CCDC40: variants seen among roughly 807,000 people sequenced by gnomAD.
CCDC40 encodes coiled-coil domain 40 molecular ruler complex subunit.
Under a neutral mutation model 124.5 loss-of-function variants are expected in CCDC40, and 104 were observed. The ratio of observed to expected loss-of-function variants is 0.84; its 90% CI spans 0.71 to 0.98. The LOEUF is 0.98. Ranked by LOEUF, CCDC40 falls within the 50% of genes least tolerant of loss-of-function variation. The probability of loss-of-function intolerance (pLI) is 0.00; values close to 1 mark genes in which losing one functional copy is unlikely to be tolerated. For synonymous variants in CCDC40, 580 were observed against 602.9 expected (o/e 0.96, Z 0.56); for missense variants, 1,463 against 1,503.9 (o/e 0.97, Z 0.45).
intron 13 of CCDC40, among the ~76,000 whole-genome samples, chr17:80,085,436 C>A (rs73436175): frequency 0.015 from 2,235 of 152,284 alleles, 60 homozygotes; most frequent in African/African-American, 0.051. Flanking sequence ...CTCTCAAAGC[C>A]CCTTTGGGTT....
intron 10 of CCDC40, among the ~76,000 whole-genome samples, chr17:80,073,538 C>T (rs1202568553): frequency 6.6e-6 from 1 of 152,216 alleles, no homozygotes; most frequent in East Asian, 1.9e-4. Context: ...TGAATCAAGA[C>T]ATGTCGTGTG....
At position 80,097,250 on chromosome 17, in the gene CCDC40, C is replaced by G. The variant is rs79588289; in HGVS notation, c.3027C>G (p.Thr1009=). Residue 1009 remains threonine, a synonymous_variant, in exon 19 of 20, where the codon ACC becomes ACG. Transcript: ENST00000397545. ...TGGTCCTGTGATTCTCCTAGGCCAC[C>G]GATGAGTGCACCAAAACCGTCCTGG... ...RRKIRDVRKA[T]DECTKTVLEL... is the part of the protein sequence containing the mutation. 1 of 1,613,774 alleles carries G rather than the reference C, an allele frequency of 6.2e-7. No individual in the cohort carries two copies. Among genetic ancestry groups the G allele is most frequent in the Non-Finnish European group, 8.5e-7 (1 of 1,179,994 alleles).
chr17:80,099,407 T>G, intron 19 of CCDC40, 120 bp from the exon 20 acceptor site: 1 of 1,213,258 alleles, frequency 8.2e-7, no homozygotes, highest in Admixed American at 1.7e-5. Context: ...ACGCCGTCCC[T>G]TTTCAGGCGT....
intron 16 of CCDC40, among the ~76,000 whole-genome samples, chr17:80,089,046 G>A (rs2038646863): frequency 6.6e-6 from 1 of 152,230 alleles, no homozygotes; most frequent in Non-Finnish European, 1.5e-5. Flanking sequence ...TGCGTGCAAA[G>A]TACCCAGGGA....
At chr17:80,073,543 C>T (rs920758303) in intron 10 of CCDC40, among the ~76,000 whole-genome samples, 4 of 152,164 alleles carry the variant, frequency 2.6e-5, no homozygotes, top group East Asian at 1.9e-4. Flanking sequence ...CAAGACATGT[C>T]GTGTGTGTAC....
chr17:80,056,002 A>ATT (rs1397122647), intron 7 of CCDC40, among the ~76,000 whole-genome samples: 29 of 7,836 alleles, frequency 3.7e-3, no homozygotes, highest in African/African-American at 8.0e-3. Context: ...ATATATATAT[A>ATT]TATATATATA....
chr17:80,065,940 C>A, intron 10 of CCDC40: 1 of 612,330 alleles, frequency 1.6e-6, no homozygotes, highest in Non-Finnish European at 2.9e-6. Flanking sequence ...CACCTGAGTG[C>A]GGAAACCCCA....
intron 18 of CCDC40, among the ~76,000 whole-genome samples, chr17:80,096,642 G>A (rs1357980329): frequency 6.8e-6 from 1 of 146,792 alleles, no homozygotes; most frequent in Non-Finnish European, 1.5e-5. Context: ...CGCCCCACAC[G>A]ACGCCATCAC....
intron 5 of CCDC40, 24 bp downstream of exon 5, chr17:80,048,785 G>T: frequency 6.3e-7 from 1 of 1,586,342 alleles, no homozygotes; most frequent in Non-Finnish European, 8.6e-7. Context: ...CCCAGGTTTT[G>T]CTTTTGCCTA....
At chr17:80,050,532 C>A (rs2037558759) in intron 7 of CCDC40, among the ~76,000 whole-genome samples, 1 of 152,246 alleles carries the variant, frequency 6.6e-6, no homozygotes, top group Non-Finnish European at 1.5e-5. Flanking sequence ...CAACCTCCCC[C>A]TTCCGGGATC....
chr17:80,051,401 G>C (rs1343304060), intron 7 of CCDC40: 2 of 358,696 alleles, frequency 5.6e-6, no homozygotes, highest in Non-Finnish European at 3.9e-6. Context: ...AGGCCGAGGC[G>C]GGCGGATCAC....
chr17:80,081,917 A>G lies in CCDC40; in HGVS notation c.1848A>G (p.Gln616=). The G allele has an allele frequency of 1.2e-6, 2 of 1,614,132 alleles. No individual in the cohort carries two copies. The highest frequency in any genetic ancestry group is 8.5e-7 in the Non-Finnish European group (1 of 1,180,020). The part of the protein sequence containing the change: ...ILTEELQAIR[Q]AIQGELELRR... ...CGGAGGAGTTGCAGGCCATCCGCCA[A>G]GCCATCCAGGGCGAGCTGGAGCTCA... Residue 616 remains glutamine (Q), a synonymous_variant, in exon 12 of 20, where the codon CAA becomes CAG. Transcript: ENST00000397545.
At chr17:80,090,961 C>A in intron 17 of CCDC40, 1 of 372,932 alleles carries the variant, frequency 2.7e-6, no homozygotes, top group Non-Finnish European at 4.0e-6. Context: ...AGCTCTCCTC[C>A]ACAGAGTGGG....
At chr17:80,065,634 T>C (rs2038025789) in intron 10 of CCDC40, 28 bp downstream of exon 10, 1 of 1,610,824 alleles carries the variant, frequency 6.2e-7, no homozygotes, top group African/African-American at 1.3e-5. Context: ...GCAGCGAGGA[T>C]GTGCGGGAAC....
intron 17 of CCDC40, 128 bp from the exon 18 acceptor site, chr17:80,095,135 C>A (rs948259216): frequency 7.1e-6 from 6 of 848,290 alleles, no homozygotes; most frequent in Non-Finnish European, 1.2e-5. Flanking sequence ...GCGGCACAGG[C>A]CTCACTGTTT....
chr17:80,086,542 G>C lies in CCDC40; in HGVS notation c.2449+326G>C. On this transcript the variant is annotated intron_variant, in intron 14 of 19. Coordinates refer to ENST00000397545, the MANE Select transcript of CCDC40 (RefSeq NM_017950.4). This position sits in a 1 kb window ranked among gnomAD's most constrained non-coding sequence, Gnocchi z 5.5. ...CACTCAGGTGGAAACACTGGCACGGGAAAAGCCAGGGTCCTGCCAGGCAGG... is the reference window on the plus strand; with the variant it reads ...CACTCAGGTGGAAACACTGGCACGGCAAAAGCCAGGGTCCTGCCAGGCAGG... The C allele has an allele frequency of 2.9e-6, 1 of 350,716 alleles. No homozygotes were observed. Among genetic ancestry groups the C allele is most frequent in the South Asian group, 2.3e-5 (1 of 42,596 alleles). The allele number at this position is 350,716 out of a possible 1,614,324, so 21.7% of individuals were successfully genotyped here. A position where few individuals can be genotyped will look rare whatever the true frequency, so the allele number is the denominator to read the frequency against.
chr17:80,044,434 A>G lies in CCDC40; in HGVS notation c.553-2845A>G, dbSNP rs371571815. On this transcript the variant is annotated intron_variant, in intron 3 of 19. Transcript: ENST00000397545. Reference sequence around the variant, plus strand: ...CCTAGTGGCTCATGGCTGTGATCCCAGCACTTTGGGAGGCCGATGCAGGCG... The same window carrying G: ...CCTAGTGGCTCATGGCTGTGATCCCGGCACTTTGGGAGGCCGATGCAGGCG... Among the ~76,000 whole-genome samples, 43 of 152,318 alleles carry G rather than the reference A, an allele frequency of 2.8e-4. No individual in the cohort carries two copies. The South Asian group carries it at 8.5e-3, about 30-fold the overall frequency.
chr17:80,050,266 A>C lies in CCDC40; in HGVS notation c.1142A>C (p.Asn381Thr), dbSNP rs1290134661. The change falls in exon 7 of 20, where the codon AAC becomes ACC. Residue 381 changes from asparagine (N) to threonine (T), a missense_variant. Physicochemically the swap from Asn to Thr is moderately conservative, Grantham distance 65. Coordinates refer to ENST00000397545, the MANE Select transcript of CCDC40 (RefSeq NM_017950.4). ...ALYTKTCAAA[N>T]EERKKLAALQ... The stretch of plus-strand genomic sequence containing the variant: ...TACACCAAGACCTGCGCAGCCGCCA[A>C]CGAGGAGCGCAAAAAGTGTAAGGCA... 1 of 1,567,978 alleles carries C rather than the reference A, an allele frequency of 6.4e-7. No individual in the cohort carries two copies.
Position 80,081,548 on chromosome 17 carries a change from G to T in CCDC40, c.1565G>T (p.Gly522Val), listed in dbSNP as rs947035837. Residue 522 changes from glycine (G) to valine (V), a missense_variant and splice_region_variant, in exon 11 of 20, where the codon GGA becomes GTA. Physicochemically the swap from Gly to Val is moderately radical, Grantham distance 109. Coordinates refer to ENST00000397545, the MANE Select transcript of CCDC40 (RefSeq NM_017950.4). The stretch of plus-strand genomic sequence containing the variant: ...CTCTCCCCGCTGCATTTCTACAGAG[G>T]ATGCCAGCATCAAGCCAAATCCACC... Reference protein sequence around the residue: ...AHRAVLEALRGCQHQAKSTDG... With the variant: ...AHRAVLEALRVCQHQAKSTDG... 3.1e-6 allele frequency: 5 copies of T among 1,613,512 alleles called. No individual in the cohort carries two copies. Among genetic ancestry groups the T allele is most frequent in the Non-Finnish European group, 3.4e-6 (4 of 1,180,048 alleles).
Sources: allele counts gnomAD v4.1 joint callset (sites outside exome capture counted in the v4.1 genomes callset), GRCh38; gene constraint gnomAD v4.1.1; non-coding constraint Gnocchi (gnomAD v3.1); transcripts MANE v1.5; gene names NCBI Gene and HGNC (gene_info 2026-07-23, HGNC 2026-07-21).